The following CPED1 variants were observed in gnomAD, a reference collection of about 807,000 sequenced individuals.
The protein encoded by CPED1 is cadherin-like and PC-esterase domain-containing protein 1.
In CPED1, 114 loss-of-function variants were observed where a neutral mutation model predicts 128.2. The ratio of observed to expected loss-of-function variants is 0.89; its 90% CI spans 0.76 to 1.04. The LOEUF (loss-of-function observed/expected upper bound fraction) is 1.04, where lower values mean the gene tolerates loss of function less well. Ranked by LOEUF, CPED1 falls within the 50% of genes least tolerant of loss-of-function variation. The probability of loss-of-function intolerance (pLI) is 0.00; values close to 1 mark genes in which losing one functional copy is unlikely to be tolerated. For missense variants in CPED1, 1,211 were observed against 1,207.1 expected (o/e 1.00, Z -0.05); for synonymous variants, 462 against 426.7 (o/e 1.08, Z -1.02).
chr7:121,027,662 AT>A (rs1792624617), intron 3 of CPED1, among the ~76,000 whole-genome samples: 1 of 151,782 alleles, frequency 6.6e-6, no homozygotes, highest in Admixed American at 6.6e-5. Context: ...TCTTTGTAAC[AT>A]TCTTTCAGAT....
At chr7:121,058,068 T>C (rs1341578740) in intron 4 of CPED1, among the ~76,000 whole-genome samples, 2 of 151,742 alleles carry the variant, frequency 1.3e-5, no homozygotes, top group Non-Finnish European at 2.9e-5. Context: ...AAAGTCTTGG[T>C]TGAGGAACGT....
At chr7:121,157,536 T>C (rs1393117634) in intron 16 of CPED1, among the ~76,000 whole-genome samples, 1 of 152,098 alleles carries the variant, frequency 6.6e-6, no homozygotes, top group Admixed American at 6.5e-5. Context: ...CATTGGTGAG[T>C]CTTGTGTTCC....
chr7:121,018,138 A>AT (rs765256890), intron 3 of CPED1, among the ~76,000 whole-genome samples: 16 of 152,088 alleles, frequency 1.1e-4, no homozygotes, highest in East Asian at 1.9e-4. Flanking sequence ...AATACCTGAA[A>AT]TTTTTTTTAA....
chr7:121,153,615 G>A (rs1057234746), intron 16 of CPED1, among the ~76,000 whole-genome samples: 7 of 152,132 alleles, frequency 4.6e-5, no homozygotes, highest in Non-Finnish European at 4.4e-5. Flanking sequence ...ACTTGCCAAG[G>A]TCACATAGCT....
Position 121,067,378 on chromosome 7 carries a change from C to T in CPED1, c.616+3065C>T, listed in dbSNP as rs182150766. Among the ~76,000 whole-genome samples, 353 of 151,766 alleles carry T rather than the reference C, an allele frequency of 2.3e-3. 3 individuals carry two copies. Among genetic ancestry groups the T allele is most frequent in the African/African-American group, 7.8e-3 (324 of 41,374 alleles). On this transcript the variant is annotated intron_variant, in intron 5 of 22. Coordinates refer to ENST00000310396, the MANE Select transcript of CPED1 (RefSeq NM_024913.5). ...GAACATGTGGTGTTTGTTTTTTTGT[C>T]CTTGCGATAGTTTGCTGAGAATGAA...
At chr7:121,068,231 T>A (rs1381684478) in intron 5 of CPED1, among the ~76,000 whole-genome samples, 1 of 152,102 alleles carries the variant, frequency 6.6e-6, no homozygotes, top group Non-Finnish European at 1.5e-5. Context: ...TTTCTTCTAG[T>A]GCTTTTATGG....
intron 5 of CPED1, among the ~76,000 whole-genome samples, chr7:121,087,334 G>T (rs1201388339): frequency 1.3e-5 from 2 of 151,876 alleles, no homozygotes; most frequent in Non-Finnish European, 2.9e-5. Context: ...TCTCTTCATT[G>T]GTCTCTTTGT....
Position 121,097,747 on chromosome 7 carries a change from A to T in CPED1, c.665A>T (p.Gln222Leu). The change falls in exon 6 of 23, where the codon CAA (glutamine) becomes CTA (leucine). Residue 222 changes from glutamine to leucine, a missense_variant. Gln to Leu is a moderately radical substitution (Grantham distance 113, BLOSUM62 -2). Coordinates refer to ENST00000310396, the MANE Select transcript of CPED1 (RefSeq NM_024913.5). ...TCTGTGTGTCTGGATCAGGGAATGC[A>T]ATTAAAGCCGAGTACTTCGAGTCAC... ...SPSVCLDQGMQLKPSTSSHLL... is the reference protein window; with the variant it reads ...SPSVCLDQGMLLKPSTSSHLL... The T allele has an allele frequency of 6.2e-7, 1 of 1,613,902 alleles. No individual in the cohort carries two copies. The highest frequency in any genetic ancestry group is 8.5e-7 in the Non-Finnish European group (1 of 1,179,808).
chr7:121,031,008 T>A (rs554418119), intron 3 of CPED1, among the ~76,000 whole-genome samples: 1 of 152,094 alleles, frequency 6.6e-6, no homozygotes, highest in Admixed American at 6.6e-5. Context: ...AATGGTGGAG[T>A]TGACGCTTGA....
intron 17 of CPED1, among the ~76,000 whole-genome samples, chr7:121,240,879 G>C (rs1368945332): frequency 6.6e-6 from 1 of 151,814 alleles, no homozygotes; most frequent in Non-Finnish European, 1.5e-5. Context: ...CTCTGTGAAG[G>C]AAAGACTACC....
At chr7:121,112,790 G>A (rs1795145366) in intron 7 of CPED1, among the ~76,000 whole-genome samples, 1 of 152,128 alleles carries the variant, frequency 6.6e-6, no homozygotes, top group Non-Finnish European at 1.5e-5. Context: ...CACTGCGAAG[G>A]GGTGTGCATA....
At chr7:121,261,993 A>C (rs998919784) in intron 18 of CPED1, 1 of 370,722 alleles carries the variant, frequency 2.7e-6, no homozygotes, top group Non-Finnish European at 5.0e-6. Context: ...AGTGGGACCT[A>C]TTGGAAGTTG....
intron 12 of CPED1, among the ~76,000 whole-genome samples, chr7:121,133,068 T>C (rs561647333): frequency 2.0e-4 from 30 of 152,208 alleles, no homozygotes; most frequent in African/African-American, 7.2e-4. Flanking sequence ...TATTTAACTC[T>C]CATAGCATCC....
intron 22 of CPED1, among the ~76,000 whole-genome samples, chr7:121,278,621 G>C (rs996644886): frequency 1.3e-5 from 2 of 152,090 alleles, no homozygotes; most frequent in African/African-American, 4.8e-5. Context: ...TCATCTGTAA[G>C]TGAATTCTAT....
chr7:120,999,627 A>G (rs896406087), intron 2 of CPED1, among the ~76,000 whole-genome samples: 6 of 152,168 alleles, frequency 3.9e-5, no homozygotes, highest in African/African-American at 1.2e-4. Flanking sequence ...GAATTTAAAT[A>G]CAGGAGTTTA....
rs113818735 is a variant in CPED1, at chr7:121,027,828, C to G, written c.433+11980C>G. Among the ~76,000 whole-genome samples the G allele has an allele frequency of 8.9e-3, 1,356 of 151,572 alleles. 31 individuals carry two copies. Among genetic ancestry groups the G allele is most frequent in the African/African-American group, 0.032 (1,306 of 41,380 alleles). On this transcript the variant is annotated intron_variant, in intron 3 of 22. Coordinates refer to ENST00000310396, the MANE Select transcript of CPED1 (RefSeq NM_024913.5). Reference sequence around the variant, plus strand: ...AAAAGTAGGAAAGTCACATGTGAGTCTCACCATTTATACAACAAAATGTTC... The same window carrying G: ...AAAAGTAGGAAAGTCACATGTGAGTGTCACCATTTATACAACAAAATGTTC...
chr7:121,158,218 T>G (rs572133314), intron 16 of CPED1, among the ~76,000 whole-genome samples: 6 of 152,218 alleles, frequency 3.9e-5, no homozygotes, highest in Non-Finnish European at 8.8e-5. Flanking sequence ...TTTGCATGTT[T>G]GTTATAAATT....
In CPED1 at chr7:121,149,384, A is replaced by G. The variant is rs114126741; in HGVS notation, c.2055+7243A>G. Among the ~76,000 whole-genome samples, 1,465 of 152,328 alleles carry G rather than the reference A, an allele frequency of 9.6e-3. 24 individuals carry two copies. The highest frequency in any genetic ancestry group is 0.033 in the African/African-American group (1,366 of 41,572). ...TCAATCATGATCTGTTTCAGCACTT[A>G]TATAAATTATCTTTTGTGTTGATGA... On this transcript the variant is annotated intron_variant, in intron 16 of 22. Coordinates refer to ENST00000310396, the MANE Select transcript of CPED1 (RefSeq NM_024913.5).
chr7:121,160,439 G>A (rs1040115149), intron 16 of CPED1, among the ~76,000 whole-genome samples: 4 of 152,174 alleles, frequency 2.6e-5, no homozygotes, highest in Non-Finnish European at 4.4e-5. Context: ...CATGAAGAGA[G>A]ACTATGTCCC....
Sources: gnomAD v4.1 joint callset for allele counts (sites outside exome capture counted in the v4.1 genomes callset) on GRCh38, gnomAD v4.1.1 for gene constraint, MANE v1.5 for transcripts, NCBI Gene and HGNC (gene_info 2026-07-23, HGNC 2026-07-21) for gene names.